Variants in SNRPB2 observed in about 807,000 individuals in gnomAD.
SNRPB2 encodes the protein small nuclear ribonucleoprotein polypeptide B2, also known as U2 small nuclear ribonucleoprotein B''.
In SNRPB2, 16 loss-of-function variants were observed where a neutral mutation model predicts 26.3. The ratio of observed to expected loss-of-function variants is 0.61; its 90% CI spans 0.41 to 0.92. The LOEUF (loss-of-function observed/expected upper bound fraction) is 0.92, where lower values mean the gene tolerates loss of function less well. SNRPB2 is among the 40% of genes least tolerant of loss of function. The pLI, the probability that SNRPB2 is intolerant of heterozygous loss-of-function variation, is 0.00. For missense variants in SNRPB2, 179 were observed against 268.1 expected (o/e 0.67, Z 2.32); for synonymous variants, 75 against 89.0 (o/e 0.84, Z 0.88).
At chr20:16,731,546 G>A (rs551445471) in intron 1 of SNRPB2, 122 bp from the exon 2 acceptor site, 4 of 954,520 alleles carry the variant, frequency 4.2e-6, no homozygotes, top group Admixed American at 2.9e-5. Context: ...TACAATAAAG[G>A]CTACAGCCAA....
At chr20:16,730,997 G>A (rs2072386272) in intron 1 of SNRPB2, 1 of 152,282 alleles carries the variant, frequency 6.6e-6, no homozygotes, top group Non-Finnish European at 1.5e-5. Flanking sequence ...TATTGGGTAG[G>A]TTCTGTTACC....
chr20:16,734,607 A>G (rs1042827637), intron 3 of SNRPB2, among the ~76,000 whole-genome samples: 9 of 152,150 alleles, frequency 5.9e-5, no homozygotes, highest in Non-Finnish European at 1.3e-4. Context: ...CAACCCTGTC[A>G]CTTTGGACAT....
chr20:16,732,639 T>G (rs1334747601), intron 3 of SNRPB2, among the ~76,000 whole-genome samples: 1 of 152,224 alleles, frequency 6.6e-6, no homozygotes, highest in African/African-American at 2.4e-5. Context: ...GAAACCTGTT[T>G]GTAAACTTGT....
chr20:16,740,900 T>G lies in SNRPB2; in HGVS notation c.573T>G (p.Phe191Leu). The G allele has an allele frequency of 6.2e-7, 1 of 1,612,602 alleles. No individual in the cohort carries two copies. Among genetic ancestry groups the G allele is most frequent in the Non-Finnish European group, 8.5e-7 (1 of 1,178,648 alleles). Residue 191 changes from phenylalanine to leucine, a missense_variant, in exon 7 of 7, where the codon TTT becomes TTG. Around this residue, in one of 2 missense-constraint regions of SNRPB2, gnomAD observed 34 missense variants for 87.4 expected, o/e 0.39. Transcript: ENST00000246071. ...TACCAGGGAGGCATGACATTGCTTT[T>G]GTTGAATTTGAAAATGATGGGCAGG... ...RLVPGRHDIA[F>L]VEFENDGQAG...
At chr20:16,731,404 C>T (rs1301262344) in intron 1 of SNRPB2, among the ~76,000 whole-genome samples, 3 of 152,056 alleles carry the variant, frequency 2.0e-5, no homozygotes, top group East Asian at 1.9e-4. Context: ...ATAAGTGAAA[C>T]GTAAGTGTAA....
At chr20:16,739,201 C>G (rs1600227182) in intron 5 of SNRPB2, among the ~76,000 whole-genome samples, 1 of 152,214 alleles carries the variant, frequency 6.6e-6, no homozygotes, top group African/African-American at 2.4e-5. Context: ...GTTTCCTCTA[C>G]AGTACCTAAA....
chr20:16,737,192 G>A lies in SNRPB2; in HGVS notation c.238-69G>A. On this transcript the variant is annotated intron_variant, in intron 3 of 6. Transcript: ENST00000246071. ...GTAGTGTATTTGCGTAATGAAATTT[G>A]AAATATTAATGACTAGTGTAAACAT... is the stretch of plus-strand genomic sequence containing the variant. 3.2e-6 allele frequency: 4 copies of A among 1,256,354 alleles called. No homozygotes were observed. In the South Asian group the frequency reaches 5.0e-5, roughly 16 times the overall value. The allele number at this position is 1,256,354 out of a possible 1,614,324, so 77.8% of individuals were successfully genotyped here.
intron 3 of SNRPB2, among the ~76,000 whole-genome samples, chr20:16,733,309 T>C (rs2072404894): frequency 6.6e-6 from 1 of 152,186 alleles, no homozygotes; most frequent in African/African-American, 2.4e-5. Context: ...TGTTCTTTTA[T>C]GTACTTACGT....
At chr20:16,740,787 A>G in intron 6 of SNRPB2, 59 bp from the exon 7 acceptor site, 1 of 1,326,008 alleles carries the variant, frequency 7.5e-7, no homozygotes, top group Non-Finnish European at 1.1e-6. Flanking sequence ...AACAAATTTT[A>G]ACACAAAGCA....
rs2122509446 is a variant in SNRPB2 at position 16,741,096 on chromosome 20, G to A, written c.*91G>A. ...CTGGGTCATTTTAATAGTTAGAGAT[G>A]AGGAGGAGTAAAAGTGAAATTTTTG... On this transcript the variant is annotated 3_prime_UTR_variant, in exon 7 of 7. Transcript: ENST00000246071. The A allele has an allele frequency of 1.1e-6, 1 of 942,834 alleles. No homozygotes were observed. Among genetic ancestry groups the A allele is most frequent in the South Asian group, 2.2e-5 (1 of 45,434 alleles). 58.4% of individuals were successfully genotyped at this position (942,834 alleles called of 1,614,324 possible).
chr20:16,732,082 G>T, intron 2 of SNRPB2, 82 bp from the exon 3 acceptor site: 1 of 790,940 alleles, frequency 1.3e-6, no homozygotes, highest in Admixed American at 2.6e-5. Flanking sequence ...GGTGGGGGGG[G>T]CAACTCAATG....
intron 3 of SNRPB2, among the ~76,000 whole-genome samples, chr20:16,733,198 A>G (rs1338549107): frequency 6.6e-6 from 1 of 152,264 alleles, no homozygotes; most frequent in Non-Finnish European, 1.5e-5. Flanking sequence ...ACCTCCGGTA[A>G]ACAAATTGGT....
intron 1 of SNRPB2, among the ~76,000 whole-genome samples, chr20:16,731,230 A>G (rs549726866): frequency 1.4e-3 from 207 of 152,296 alleles, no homozygotes; most frequent in Middle Eastern, 6.8e-3. Flanking sequence ...ATTAATAGGT[A>G]TGGAAGGACT....
Position 16,741,112 on chromosome 20 carries a change from G to T in SNRPB2, c.*107G>T. 1.3e-6 allele frequency: 1 copy of T among 750,222 alleles called. No homozygotes were observed. Among genetic ancestry groups the T allele is most frequent in the Non-Finnish European group, 2.1e-6 (1 of 486,914 alleles). The allele number at this position is 750,222 out of a possible 1,614,324, so 46.5% of individuals were successfully genotyped here. Reference sequence around the variant, plus strand: ...GTTAGAGATGAGGAGGAGTAAAAGTGAAATTTTTGTGAAGGACTTAAATTA... The same window carrying T: ...GTTAGAGATGAGGAGGAGTAAAAGTTAAATTTTTGTGAAGGACTTAAATTA... On this transcript the variant is annotated 3_prime_UTR_variant, in exon 7 of 7. Coordinates refer to ENST00000246071, the MANE Select transcript of SNRPB2 (RefSeq NM_003092.5).
chr20:16,737,880 C>G (rs1383641710), intron 4 of SNRPB2, among the ~76,000 whole-genome samples: 1 of 150,768 alleles, frequency 6.6e-6, no homozygotes, highest in Non-Finnish European at 1.5e-5. Context: ...ACTAAAAATA[C>G]AAAAAAAATT....
chr20:16,741,243 C>A lies in SNRPB2; in HGVS notation c.*238C>A. ...GTATATAATGCTTTCTTGATTGACC[C>A]ATCTCCCTATCATCAAATGACTTCT... On this transcript the variant is annotated 3_prime_UTR_variant, in exon 7 of 7. Coordinates refer to ENST00000246071, the MANE Select transcript of SNRPB2 (RefSeq NM_003092.5). 2.9e-6 allele frequency: 1 copy of A among 349,452 alleles called. No individual in the cohort carries two copies. Among genetic ancestry groups the A allele is most frequent in the Non-Finnish European group, 5.2e-6 (1 of 192,862 alleles). 21.6% of individuals were successfully genotyped at this position (349,452 alleles called of 1,614,324 possible).
At chr20:16,736,619 A>G (rs2072427724) in intron 3 of SNRPB2, among the ~76,000 whole-genome samples, 1 of 152,110 alleles carries the variant, frequency 6.6e-6, no homozygotes, top group South Asian at 2.1e-4. Flanking sequence ...GGCCTATTCT[A>G]TCTGTAAAAC....
intron 3 of SNRPB2, 32 bp downstream of exon 3, chr20:16,732,368 A>G: frequency 2.4e-6 from 3 of 1,231,152 alleles, no homozygotes; most frequent in Non-Finnish European, 3.5e-6. Context: ...ACTTTAATCA[A>G]GAAATTAATG....
intron 5 of SNRPB2, 131 bp downstream of exon 5, chr20:16,739,033 G>A (rs2072446527): frequency 4.7e-6 from 3 of 643,786 alleles, no homozygotes; most frequent in Non-Finnish European, 5.5e-6. Flanking sequence ...TAAATTGTCT[G>A]CCACTGCAAT....
Sources: allele counts gnomAD v4.1 joint callset (sites outside exome capture counted in the v4.1 genomes callset), GRCh38; gene constraint gnomAD v4.1.1; regional missense constraint gnomAD v4.1.1; transcripts MANE v1.5; gene names NCBI Gene and HGNC (gene_info 2026-07-23, HGNC 2026-07-21).